The following ITPR2 variants were observed in gnomAD, a reference collection of about 807,000 sequenced individuals.
ITPR2 encodes the protein inositol 1,4,5-trisphosphate receptor type 2, also known as inositol 1,4,5-trisphosphate-gated calcium channel ITPR2.
In ITPR2, 207 loss-of-function variants were observed where a neutral mutation model predicts 317.1. That is an observed-to-expected ratio of 0.65 (90% CI 0.58 to 0.73). ITPR2 has a LOEUF of 0.73. Among genes scored for constraint, ITPR2 ranks in the 30% least tolerant of loss-of-function variants. ITPR2 has a pLI of 0.00. For synonymous variants in ITPR2, 1,156 were observed against 1,149.1 expected (o/e 1.01, Z -0.12); for missense variants, 2,613 against 3,284.0 (o/e 0.80, Z 4.99).
At chr12:26,758,739 T>C (rs897462011) in intron 2 of ITPR2, among the ~76,000 whole-genome samples, 1 of 152,212 alleles carries the variant, frequency 6.6e-6, no homozygotes, top group African/African-American at 2.4e-5. Context: ...CTTCCCTCAT[T>C]GGTCTGTGGC....
At position 26,597,154 on chromosome 12, in the gene ITPR2, G is replaced by A. The variant is rs1273315180; in HGVS notation, c.4003-20C>T. 6.2e-7 allele frequency: 1 copy of A among 1,612,698 alleles called. No homozygotes were observed. The highest frequency in any genetic ancestry group is 8.5e-7 in the Non-Finnish European group (1 of 1,179,670). On this transcript the variant is annotated intron_variant, in intron 30 of 56. Transcript: ENST00000381340. The stretch of plus-strand genomic sequence containing the variant: ...TATCAACTGAAATGATAATAAGAGA[G>A]TCTATGTAGCAGTCCGAACATTCAT...
chr12:26,489,295 C>T (rs571005133), intron 39 of ITPR2, among the ~76,000 whole-genome samples: 20 of 152,152 alleles, frequency 1.3e-4, no homozygotes, highest in African/African-American at 3.9e-4. Context: ...ATATGTGTGA[C>T]AGGAGACTGG....
intron 21 of ITPR2, among the ~76,000 whole-genome samples, chr12:26,642,847 T>C (rs752619159): frequency 6.6e-6 from 1 of 152,236 alleles, no homozygotes; most frequent in Non-Finnish European, 1.5e-5. Flanking sequence ...GATGCTGTGA[T>C]GCTCCTGCCC....
At chr12:26,454,269 A>C (rs1941822334) in intron 45 of ITPR2, among the ~76,000 whole-genome samples, 1 of 152,066 alleles carries the variant, frequency 6.6e-6, no homozygotes, top group Admixed American at 6.5e-5. Flanking sequence ...CAGTGGCGCA[A>C]TCTCAGCTGA....
At chr12:26,530,471 A>G (rs1943918622) in intron 37 of ITPR2, among the ~76,000 whole-genome samples, 1 of 152,154 alleles carries the variant, frequency 6.6e-6, no homozygotes, top group African/African-American at 2.4e-5. Context: ...AATCCTGGAG[A>G]TTTTTACTTT....
chr12:26,471,003 G>A (rs1405362664), intron 45 of ITPR2, among the ~76,000 whole-genome samples: 2 of 152,128 alleles, frequency 1.3e-5, no homozygotes, highest in African/African-American at 2.4e-5. Flanking sequence ...AGACCATTTA[G>A]TGATATGGGA....
intron 2 of ITPR2, among the ~76,000 whole-genome samples, chr12:26,781,589 C>T (rs997441119): frequency 6.6e-6 from 1 of 152,032 alleles, no homozygotes; most frequent in Admixed American, 6.6e-5. Context: ...TATGTATGAG[C>T]TCAGGAGATG....
intron 45 of ITPR2, among the ~76,000 whole-genome samples, chr12:26,469,272 T>C (rs917912631): frequency 1.7e-4 from 26 of 152,228 alleles, no homozygotes; most frequent in Admixed American, 7.2e-4. Context: ...GACTATCTTA[T>C]AATAAATAAG....
chr12:26,467,526 T>G (rs1233498887), intron 45 of ITPR2, among the ~76,000 whole-genome samples: 1 of 152,186 alleles, frequency 6.6e-6, no homozygotes, highest in Non-Finnish European at 1.5e-5. Context: ...GCCTGATATC[T>G]CCAGCTATCC....
intron 48 of ITPR2, among the ~76,000 whole-genome samples, chr12:26,430,590 T>G (rs1172265706): frequency 2.0e-5 from 3 of 152,234 alleles, no homozygotes; most frequent in Non-Finnish European, 4.4e-5. Flanking sequence ...AAAGCCATTC[T>G]TTACCCATTA....
Position 26,669,950 on chromosome 12 carries a change from C to T in ITPR2, c.1410-3899G>A, listed in dbSNP as rs575351628. 3.9e-5 allele frequency among the ~76,000 whole-genome samples: 6 copies of T among 152,240 alleles called. No homozygotes were observed. The East Asian group carries it at 9.6e-4, about 24-fold the overall frequency. ...CCCATGGGGTCTCGCTGATTGCTAA[C>T]GCAGCAGTCTGAGATCAAACTGCAA... On this transcript the variant is annotated intron_variant, in intron 13 of 56. Coordinates refer to ENST00000381340, the MANE Select transcript of ITPR2 (RefSeq NM_002223.4).
chr12:26,612,104 T>C (rs1946281678), intron 26 of ITPR2, among the ~76,000 whole-genome samples: 1 of 152,230 alleles, frequency 6.6e-6, no homozygotes, highest in Non-Finnish European at 1.5e-5. Context: ...GGTAATGGTA[T>C]AATTTTGGAT....
At chr12:26,564,846 T>G (rs898998993) in intron 34 of ITPR2, among the ~76,000 whole-genome samples, 2 of 152,208 alleles carry the variant, frequency 1.3e-5, no homozygotes, top group Admixed American at 6.5e-5. Context: ...TGTGAGACAC[T>G]AAAATTTCTG....
chr12:26,355,414 C>CAGCT (rs575171526), intron 55 of ITPR2, among the ~76,000 whole-genome samples: 355 of 7,684 alleles, frequency 0.046, 2 homozygotes, highest in Non-Finnish European at 0.3. Context: ...GGATCTGGAC[C>CAGCT]AACTAAGAAT....
rs1036329758 is a variant in ITPR2, at chr12:26,565,656, A to G, written c.4631-3704T>C. Among the ~76,000 whole-genome samples the G allele has an allele frequency of 4.0e-5, 6 of 151,774 alleles. No homozygotes were observed. The South Asian group carries it at 1.3e-3, about 32-fold the overall frequency. On this transcript the variant is annotated intron_variant, in intron 34 of 56. Coordinates refer to ENST00000381340, the MANE Select transcript of ITPR2 (RefSeq NM_002223.4). ...AAGATACTCAAAAACTTGTTTGAAA[A>G]TAGACAATTTGCTGGATGCAATGGT... is the stretch of plus-strand genomic sequence containing the variant.
chr12:26,402,303 A>G (rs926116112), intron 52 of ITPR2, among the ~76,000 whole-genome samples: 50 of 152,348 alleles, frequency 3.3e-4, no homozygotes, highest in Non-Finnish European at 2.1e-4. Flanking sequence ...CTACTTTGCC[A>G]CAACTGGACT....
chr12:26,435,235 C>T (rs1240207901), intron 48 of ITPR2, among the ~76,000 whole-genome samples: 2 of 152,124 alleles, frequency 1.3e-5, no homozygotes, highest in Non-Finnish European at 2.9e-5. Context: ...GGCTGAAATA[C>T]CTGTTGCTCT....
chr12:26,599,090 C>T, intron 30 of ITPR2, 55 bp downstream of exon 30: 3 of 1,464,142 alleles, frequency 2.0e-6, no homozygotes, highest in African/African-American at 1.4e-5. Context: ...ATAGAAAATG[C>T]ATATTTGAAC....
intron 36 of ITPR2, among the ~76,000 whole-genome samples, chr12:26,555,357 G>C (rs1241237802): frequency 2.6e-5 from 4 of 152,094 alleles, no homozygotes; most frequent in African/African-American, 7.2e-5. Context: ...TGGTCAAGGG[G>C]CTTGGCAAGC....
Sources: gnomAD v4.1 joint callset for allele counts (sites outside exome capture counted in the v4.1 genomes callset) on GRCh38, gnomAD v4.1.1 for gene constraint, MANE v1.5 for transcripts, NCBI Gene and HGNC (gene_info 2026-07-23, HGNC 2026-07-21) for gene names.